NTM: variants seen among roughly 807,000 people sequenced by gnomAD.
NTM encodes neurotrimin.
Under a neutral mutation model 42.1 loss-of-function variants are expected in NTM, and 13 were observed. The observed-to-expected ratio is 0.31, with a 90% CI of 0.20 to 0.49. NTM has a LOEUF of 0.49. Ranked by LOEUF, NTM falls within the 20% of genes least tolerant of loss-of-function variation. The pLI, the probability that NTM is intolerant of heterozygous loss-of-function variation, is 0.99. For missense variants in NTM, 373 were observed against 452.8 expected (o/e 0.82, Z 1.60); for synonymous variants, 187 against 179.2 (o/e 1.04, Z -0.35).
intron 1 of NTM, among the ~76,000 whole-genome samples, chr11:131,791,367 CTTGT>C (rs2090910043): frequency 6.6e-6 from 1 of 152,268 alleles, no homozygotes; most frequent in Non-Finnish European, 1.5e-5. Flanking sequence ...TTTTTGCTTG[CTTGT>C]TTTTGTCTGT....
intron 3 of NTM, among the ~76,000 whole-genome samples, chr11:132,184,009 A>G (rs116498309): frequency 0.017 from 2,540 of 152,198 alleles, 79 homozygotes; most frequent in African/African-American, 0.058. Context: ...TCTTCCCAGT[A>G]TAGTGTTAAA....
At chr11:131,520,064 G>A (rs1344518757) in intron 1 of NTM, among the ~76,000 whole-genome samples, 1 of 152,098 alleles carries the variant, frequency 6.6e-6, no homozygotes, top group Non-Finnish European at 1.5e-5. Flanking sequence ...TTCTGGGTTA[G>A]TACCTAAAAG....
chr11:131,839,485 T>C (rs1251966723), intron 1 of NTM, among the ~76,000 whole-genome samples: 1 of 152,178 alleles, frequency 6.6e-6, no homozygotes, highest in East Asian at 1.9e-4. Flanking sequence ...GCAGAAGCCC[T>C]CAGGCCATGC....
At chr11:131,928,402 A>T (rs2058195074) in intron 2 of NTM, among the ~76,000 whole-genome samples, 1 of 152,264 alleles carries the variant, frequency 6.6e-6, no homozygotes, top group Non-Finnish European at 1.5e-5. Flanking sequence ...ATGCTTAGGC[A>T]TGTATAGAGG....
At chr11:132,143,438 A>G (rs907133235) in intron 2 of NTM, among the ~76,000 whole-genome samples, 3 of 152,246 alleles carry the variant, frequency 2.0e-5, no homozygotes, top group Non-Finnish European at 4.4e-5. Context: ...CTATAAGAAC[A>G]CTAAATTTGG....
intron 3 of NTM, among the ~76,000 whole-genome samples, chr11:132,159,246 A>G (rs976050826): frequency 6.6e-6 from 1 of 152,184 alleles, no homozygotes; most frequent in African/African-American, 2.4e-5. Context: ...CAGAGGGCAC[A>G]TATACAGGAA....
chr11:131,574,899 G>T (rs1345165108), intron 1 of NTM, among the ~76,000 whole-genome samples: 1 of 152,056 alleles, frequency 6.6e-6, no homozygotes, highest in Non-Finnish European at 1.5e-5. Context: ...GACCTTTGGG[G>T]CTATTTGAAT....
At chr11:132,095,728 T>C (rs1166950037) in intron 2 of NTM, among the ~76,000 whole-genome samples, 3 of 152,186 alleles carry the variant, frequency 2.0e-5, no homozygotes, top group Non-Finnish European at 4.4e-5. Context: ...TTCCAGACTT[T>C]CCACCAGCTG....
intron 3 of NTM, among the ~76,000 whole-genome samples, chr11:132,207,394 C>A (rs1046581764): frequency 2.0e-5 from 3 of 152,132 alleles, no homozygotes; most frequent in East Asian, 1.9e-4. Flanking sequence ...TCTCCCATCA[C>A]CCCCAGATGG....
At chr11:132,141,243 C>CTT (rs1210479676) in intron 2 of NTM, among the ~76,000 whole-genome samples, 1 of 151,846 alleles carries the variant, frequency 6.6e-6, no homozygotes, top group East Asian at 1.9e-4. Context: ...TTCTGTCTCT[C>CTT]TCTCTCTCCC....
At chr11:132,138,724 G>T (rs1370938036) in intron 2 of NTM, among the ~76,000 whole-genome samples, 1 of 152,160 alleles carries the variant, frequency 6.6e-6, no homozygotes, top group African/African-American at 2.4e-5. Flanking sequence ...CCAAGGACAG[G>T]AGAGGAATGT....
chr11:132,172,778 T>C (rs1056336381), intron 3 of NTM, among the ~76,000 whole-genome samples: 8 of 152,228 alleles, frequency 5.3e-5, no homozygotes, highest in Admixed American at 3.3e-4. Context: ...CTTTTGATGC[T>C]GTCAGAAACT....
chr11:131,920,652 A>G (rs1285734785), intron 2 of NTM, among the ~76,000 whole-genome samples: 1 of 152,304 alleles, frequency 6.6e-6, no homozygotes, highest in African/African-American at 2.4e-5. Context: ...TTGCTGTCCT[A>G]TCAGTGTGAA....
chr11:132,179,460 T>C (rs965824046), intron 3 of NTM, among the ~76,000 whole-genome samples: 2 of 151,880 alleles, frequency 1.3e-5, no homozygotes, highest in African/African-American at 4.8e-5. Context: ...GAGAGAAAGT[T>C]TGGGTGCATT....
At chr11:132,018,674 A>G (rs2073838006) in intron 2 of NTM, among the ~76,000 whole-genome samples, 1 of 151,980 alleles carries the variant, frequency 6.6e-6, no homozygotes. Flanking sequence ...GAGATATAGT[A>G]ATCTGTATTT....
At chr11:131,762,179 A>T (rs1018490325) in intron 1 of NTM, among the ~76,000 whole-genome samples, 1 of 152,222 alleles carries the variant, frequency 6.6e-6, no homozygotes, top group African/African-American at 2.4e-5. Flanking sequence ...GCGCCTCAGG[A>T]GCGCCCTCTT....
intron 1 of NTM, among the ~76,000 whole-genome samples, chr11:131,742,317 A>G (rs2081297260): frequency 6.6e-6 from 1 of 152,210 alleles, no homozygotes; most frequent in Non-Finnish European, 1.5e-5. Context: ...TTTCCAAACA[A>G]TAACTTGTTA....
chr11:131,447,690 C>T (rs1950167061), intron 1 of NTM, among the ~76,000 whole-genome samples: 1 of 152,194 alleles, frequency 6.6e-6, no homozygotes, highest in Non-Finnish European at 1.5e-5. Flanking sequence ...CCCGTCTGCT[C>T]TTCAATTCTT....
At chr11:131,846,366 C>T (rs567603536) in intron 1 of NTM, among the ~76,000 whole-genome samples, 1 of 152,106 alleles carries the variant, frequency 6.6e-6, no homozygotes, top group East Asian at 1.9e-4. Flanking sequence ...TCAGTAGTTT[C>T]TTCTCGTATT....
Sources: allele counts gnomAD v4.1 joint callset (sites outside exome capture counted in the v4.1 genomes callset), GRCh38; gene constraint gnomAD v4.1.1; transcripts MANE v1.5; gene names NCBI Gene and HGNC (gene_info 2026-07-23, HGNC 2026-07-21).